AR: variants seen among roughly 807,000 people sequenced by gnomAD.
AR encodes the protein dihydrotestosterone receptor.
A neutral mutation model predicts 53.9 loss-of-function variants in AR; 8 were observed. That is an observed-to-expected ratio of 0.15 (90% CI 0.09 to 0.27). The LOEUF is 0.27. Ranked by LOEUF, AR falls within the 10% of genes least tolerant of loss-of-function variation. The pLI, the probability that AR is intolerant of heterozygous loss-of-function variation, is 1.00. For missense variants in AR, 639 were observed against 742.5 expected, an observed-to-expected ratio of 0.86 and a Z score of 1.62; for synonymous variants, 359 against 316.4, an observed-to-expected ratio of 1.13 and a Z score of -1.43.
intron 1 of AR, among the ~76,000 whole-genome samples, chrX:67,576,418 C>T (rs375208326): frequency 2.7e-5 from 3 of 109,728 alleles, no homozygotes; most frequent in African/African-American, 3.3e-5. Context: ...GGAAGAGCTA[C>T]CATAATGAAT....
At chrX:67,683,685 G>T (rs1451555269) in intron 2 of AR, among the ~76,000 whole-genome samples, 1 of 112,156 alleles carries the variant, frequency 8.9e-6, no homozygotes, top group African/African-American at 3.2e-5. Flanking sequence ...CCAATGCAGG[G>T]CCTTGCACAT....
intron 4 of AR, among the ~76,000 whole-genome samples, chrX:67,714,375 A>AT (rs1046749521): frequency 2.7e-5 from 3 of 112,152 alleles, no homozygotes; most frequent in African/African-American, 9.7e-5. Context: ...GTGGTTTATT[A>AT]TTATGAGACT....
At chrX:67,614,974 C>T (rs1169513781) in intron 1 of AR, among the ~76,000 whole-genome samples, 2 of 109,793 alleles carry the variant, frequency 1.8e-5, no homozygotes, top group Non-Finnish European at 3.8e-5. Flanking sequence ...GAAAAGGTCA[C>T]AAGAAGATAT....
chrX:67,554,197 A>T (rs1403600889), intron 1 of AR, among the ~76,000 whole-genome samples: 2 of 112,345 alleles, frequency 1.8e-5, no homozygotes, highest in Non-Finnish European at 3.8e-5. Flanking sequence ...ACTATTAGCA[A>T]GGCAGTGAGT....
intron 5 of AR, among the ~76,000 whole-genome samples, chrX:67,718,476 G>A (rs1042248037): frequency 1.8e-5 from 2 of 111,037 alleles, no homozygotes; most frequent in East Asian, 2.8e-4. Flanking sequence ...TAACTTTTCC[G>A]ACCCTCAATT....
At chrX:67,554,017 G>A (rs904543395) in intron 1 of AR, among the ~76,000 whole-genome samples, 6 of 112,033 alleles carry the variant, frequency 5.4e-5, no homozygotes, top group Admixed American at 1.9e-4. Flanking sequence ...GCTGCATGGG[G>A]ACATTCTTCT....
intron 1 of AR, among the ~76,000 whole-genome samples, chrX:67,642,042 T>C (rs1925804116): frequency 9.0e-6 from 1 of 111,216 alleles, no homozygotes; most frequent in African/African-American, 3.3e-5. Flanking sequence ...ACAGTGGATA[T>C]TAAAATGAGA....
intron 3 of AR, among the ~76,000 whole-genome samples, chrX:67,705,366 C>G (rs1301173513): frequency 9.0e-6 from 1 of 111,292 alleles, no homozygotes; most frequent in East Asian, 2.8e-4. Context: ...CTTCACGTCC[C>G]TTGTAAGTTG....
At chrX:67,656,353 G>A (rs1221822256) in intron 2 of AR, among the ~76,000 whole-genome samples, 1 of 111,034 alleles carries the variant, frequency 9.0e-6, no homozygotes, top group Non-Finnish European at 1.9e-5. Context: ...CCTACCTGCG[G>A]CAGATACAAT....
chrX:67,715,343 C>T (rs922402009), intron 4 of AR, among the ~76,000 whole-genome samples: 2 of 111,188 alleles, frequency 1.8e-5, no homozygotes, highest in Non-Finnish European at 3.8e-5. Context: ...AGGCTCCAGC[C>T]GGTCTGTCAG....
At chrX:67,673,231 C>T (rs1470627679) in intron 2 of AR, among the ~76,000 whole-genome samples, 2 of 109,857 alleles carry the variant, frequency 1.8e-5, no homozygotes, top group African/African-American at 6.6e-5. Flanking sequence ...TTATTAAATG[C>T]CTTGAGGTGG....
At position 67,654,916 on chromosome X, in the gene AR, T is replaced by G. The variant is rs139917935; in HGVS notation, c.1768+11509T>G. ...ATGTGGTTTGGTTATAGTGGTATTG[T>G]CTTGTCTGTTGTGGGGGAGGGAGAC... On this transcript the variant is annotated intron_variant, in intron 2 of 7. Coordinates refer to ENST00000374690, the MANE Select transcript of AR (RefSeq NM_000044.6). Among the ~76,000 whole-genome samples, 715 of 100,379 alleles carry G rather than the reference T, an allele frequency of 7.1e-3. 6 individuals carry two copies. The highest frequency in any genetic ancestry group is 0.025 in the African/African-American group (684 of 27,111). The allele number at this position is 100,379 out of a possible 115,157, so 87.2% of individuals were successfully genotyped here. A position where few individuals can be genotyped will look rare whatever the true frequency, so the allele number is the denominator to read the frequency against.
chrX:67,692,022 G>A (rs1408714165), intron 3 of AR, among the ~76,000 whole-genome samples: 1 of 112,085 alleles, frequency 8.9e-6, no homozygotes, highest in Non-Finnish European at 1.9e-5. Context: ...ACATTCTGCT[G>A]TAGAATTTAA....
chrX:67,640,609 G>T (rs1255241782), intron 1 of AR, among the ~76,000 whole-genome samples: 1 of 111,213 alleles, frequency 9.0e-6, no homozygotes, highest in Non-Finnish European at 1.9e-5. Context: ...TGCCCCAGAG[G>T]TGTTTATAGT....
intron 2 of AR, among the ~76,000 whole-genome samples, chrX:67,673,119 A>T (rs2075876553): frequency 9.2e-6 from 1 of 108,935 alleles, no homozygotes; most frequent in Non-Finnish European, 1.9e-5. Flanking sequence ...ACCACTGAAA[A>T]GTCTGCTGCC....
chrX:67,620,727 G>A (rs1054270762), intron 1 of AR, among the ~76,000 whole-genome samples: 3 of 111,349 alleles, frequency 2.7e-5, no homozygotes, highest in Non-Finnish European at 5.7e-5. Flanking sequence ...ATTTAACTCT[G>A]AGTCTCATTT....
chrX:67,608,414 T>C (rs931203077), intron 1 of AR, among the ~76,000 whole-genome samples: 1 of 112,108 alleles, frequency 8.9e-6, no homozygotes, highest in Non-Finnish European at 1.9e-5. Context: ...CTTAAGATGC[T>C]CTGGCTTTCA....
intron 1 of AR, among the ~76,000 whole-genome samples, chrX:67,609,499 G>A (rs192204359): frequency 1.8e-5 from 2 of 111,446 alleles, no homozygotes; most frequent in African/African-American, 6.5e-5. Flanking sequence ...TAATAATGAT[G>A]TGGTTTCCTT....
chrX:67,674,162 T>C (rs2075884446), intron 2 of AR, among the ~76,000 whole-genome samples: 1 of 107,053 alleles, frequency 9.3e-6, no homozygotes, highest in Non-Finnish European at 1.9e-5. Context: ...AAATAGAGTC[T>C]CTCTCTCTCT....
Sources: gnomAD v4.1 joint callset for allele counts (sites outside exome capture counted in the v4.1 genomes callset) on GRCh38, gnomAD v4.1.1 for gene constraint, MANE v1.5 for transcripts, NCBI Gene and HGNC (gene_info 2026-07-23, HGNC 2026-07-21) for gene names.